The following GALNT16 variants were observed in gnomAD, a reference collection of about 807,000 sequenced individuals.
GALNT16 encodes the protein polypeptide N-acetylgalactosaminyltransferase 16.
Under a neutral mutation model 76.1 loss-of-function variants are expected in GALNT16, and 40 were observed. The ratio of observed to expected loss-of-function variants is 0.53; its 90% CI spans 0.41 to 0.68. The LOEUF (loss-of-function observed/expected upper bound fraction) is 0.68. Among genes scored for constraint, GALNT16 ranks in the 30% least tolerant of loss-of-function variants. The pLI is 0.00. For missense variants in GALNT16, 621 were observed against 731.9 expected (o/e 0.85, Z 1.75); for synonymous variants, 276 against 285.2 (o/e 0.97, Z 0.32).
chr14:69,270,230 G>T (rs1437644910), intron 1 of GALNT16, among the ~76,000 whole-genome samples: 1 of 152,114 alleles, frequency 6.6e-6, no homozygotes, highest in East Asian at 1.9e-4. Flanking sequence ...TCACTGCTGG[G>T]CAGGAGTGGG....
At chr14:69,318,205 G>A (rs1402488348) in intron 1 of GALNT16, among the ~76,000 whole-genome samples, 3 of 152,198 alleles carry the variant, frequency 2.0e-5, no homozygotes, top group Non-Finnish European at 2.9e-5. Context: ...GAGCGGGGTT[G>A]GACCACCCAG....
At chr14:69,317,438 C>T (rs1047247933) in intron 1 of GALNT16, among the ~76,000 whole-genome samples, 1 of 152,206 alleles carries the variant, frequency 6.6e-6, no homozygotes, top group Non-Finnish European at 1.5e-5. Flanking sequence ...CCTCCATGGC[C>T]AAGCCTGGCA....
At chr14:69,369,352 A>G in the GALNT16 span, among the ~76,000 whole-genome samples, 1 of 152,230 alleles carries the variant, frequency 6.6e-6, no homozygotes, top group Admixed American at 6.5e-5. Flanking sequence ...AGAGGCAGAG[A>G]GACAAAGATA....
intron 5 of GALNT16, among the ~76,000 whole-genome samples, chr14:69,327,706 C>T (rs1054623151): frequency 6.6e-5 from 10 of 152,204 alleles, no homozygotes; most frequent in African/African-American, 2.4e-4. Context: ...AGGCCCTTCC[C>T]TCCCACAGCT....
intron 1 of GALNT16, among the ~76,000 whole-genome samples, chr14:69,285,072 G>A (rs1348822971): frequency 2.2e-5 from 3 of 133,436 alleles, no homozygotes; most frequent in African/African-American, 5.7e-5. Flanking sequence ...ACGGAGTGTC[G>A]CTCTTTCGCC....
At chr14:69,335,425 C>G (rs543640374) in intron 9 of GALNT16, among the ~76,000 whole-genome samples, 6 of 152,328 alleles carry the variant, frequency 3.9e-5, no homozygotes, top group African/African-American at 1.4e-4. Flanking sequence ...TCTTCAATCT[C>G]GGCCTGAAGG....
the GALNT16 span, among the ~76,000 whole-genome samples, chr14:69,375,977 C>T: frequency 1.1e-4 from 17 of 151,948 alleles, no homozygotes; most frequent in South Asian, 6.2e-4. Context: ...CTACCGTCGA[C>T]GTTAAAAAAC....
chr14:69,300,081 G>A (rs1203666433), intron 1 of GALNT16, among the ~76,000 whole-genome samples: 4 of 152,188 alleles, frequency 2.6e-5, no homozygotes, highest in Admixed American at 2.0e-4. Context: ...GTTTCCTAGG[G>A]TGCTGCCTCC....
chr14:69,377,992 C>CCCTGT, the GALNT16 span, among the ~76,000 whole-genome samples: 1 of 152,214 alleles, frequency 6.6e-6, no homozygotes, highest in African/African-American at 2.4e-5. Flanking sequence ...GAGAAAACTA[C>CCCTGT]CCTGTCCTCT....
intron 14 of GALNT16, chr14:69,350,985 C>G (rs1240966428): frequency 6.6e-6 from 1 of 152,406 alleles, no homozygotes; most frequent in Admixed American, 6.5e-5. Flanking sequence ...TCTACAGGAG[C>G]AACTCTTCTC....
the GALNT16 span, among the ~76,000 whole-genome samples, chr14:69,375,115 A>T: frequency 6.6e-6 from 1 of 152,184 alleles, no homozygotes; most frequent in Non-Finnish European, 1.5e-5. Context: ...ATGTCTCTTG[A>T]TGAAGCTACA....
chr14:69,347,950 C>A lies in GALNT16; in HGVS notation c.1487C>A (p.Ser496Tyr). 6.2e-7 allele frequency: 1 copy of A among 1,614,018 alleles called. No individual in the cohort carries two copies. Among genetic ancestry groups the A allele is most frequent in the Non-Finnish European group, 8.5e-7 (1 of 1,179,928 alleles). The change falls in exon 14 of 15, where the codon TCC (serine) becomes TAC (tyrosine). Residue 496 changes from serine to tyrosine, a missense_variant. Ser to Tyr is a moderately radical substitution (Grantham distance 144). Transcript: ENST00000448469. The stretch of plus-strand genomic sequence containing the variant: ...GCTGCCACCTCCACCTTAATGTCCT[C>A]CCCTGGATCCCCAGTCATACTGCAG... ...CLAATSTLMS[S>Y]PGSPVILQMC... is the part of the protein sequence containing the mutation.
chr14:69,368,671 A>G, the GALNT16 span, among the ~76,000 whole-genome samples: 16 of 152,292 alleles, frequency 1.1e-4, no homozygotes, highest in African/African-American at 3.1e-4. Flanking sequence ...CTTGACTACC[A>G]GGAGGCAGGA....
the GALNT16 span, chr14:69,380,523 GT>G: frequency 5.1e-6 from 4 of 779,338 alleles, no homozygotes; most frequent in Non-Finnish European, 8.7e-6. Context: ...AACCCCCCCA[GT>G]GCTTCCAACA....
intron 1 of GALNT16, among the ~76,000 whole-genome samples, chr14:69,314,154 A>G (rs779158933): frequency 1.3e-5 from 2 of 152,264 alleles, no homozygotes; most frequent in African/African-American, 4.8e-5. Flanking sequence ...GTTGAGAACT[A>G]CTGACAAAAA....
intron 3 of GALNT16, 46 bp from the exon 4 acceptor site, chr14:69,325,291 T>C: frequency 8.3e-7 from 1 of 1,207,760 alleles, no homozygotes; most frequent in Non-Finnish European, 1.2e-6. Flanking sequence ...AAATGGGAGG[T>C]GGTTCCTAAA....
intron 1 of GALNT16, among the ~76,000 whole-genome samples, chr14:69,313,445 G>A (rs113852324): frequency 5.9e-5 from 9 of 152,298 alleles, no homozygotes; most frequent in Admixed American, 1.3e-4. Flanking sequence ...CTGGAATGGC[G>A]GGCCTGATGC....
At position 69,307,561 on chromosome 14, in the gene GALNT16, C is replaced by T. The variant is rs151210708; in HGVS notation, c.178-13150C>T. On this transcript the variant is annotated intron_variant, in intron 1 of 14. Coordinates refer to ENST00000448469, the MANE Select transcript of GALNT16 (RefSeq NM_001168368.2). ...ACCCGATGTGCTTGACACCCCAAGG[C>T]AGTACCATTACCTCCTTTCCGCAGC... 1.9e-3 allele frequency among the ~76,000 whole-genome samples: 293 copies of T among 152,250 alleles called. 6 individuals are homozygous for T. Among genetic ancestry groups the T allele is most frequent in the Middle Eastern group, 0.01 (3 of 294 alleles).
intron 4 of GALNT16, 48 bp downstream of exon 4, chr14:69,325,452 C>T: frequency 8.9e-7 from 1 of 1,123,438 alleles, no homozygotes; most frequent in Non-Finnish European, 1.4e-6. Flanking sequence ...GCCCTCGTCC[C>T]TGTTTCCCCA....
Sources: gnomAD v4.1 joint callset for allele counts (sites outside exome capture counted in the v4.1 genomes callset) on GRCh38, gnomAD v4.1.1 for gene constraint, MANE v1.5 for transcripts, NCBI Gene and HGNC (gene_info 2026-07-23, HGNC 2026-07-21) for gene names.